INVS: variants seen among roughly 807,000 people sequenced by gnomAD.
INVS encodes inversion of embryo turning homolog.
Under a neutral mutation model 108.8 loss-of-function variants are expected in INVS, and 86 were observed. The ratio of observed to expected loss-of-function variants is 0.79; its 90% CI spans 0.66 to 0.95. The LOEUF (loss-of-function observed/expected upper bound fraction) is 0.95. Among genes scored for constraint, INVS ranks in the 40% least tolerant of loss-of-function variants. The probability of loss-of-function intolerance (pLI) is 0.00; values close to 1 mark genes in which losing one functional copy is unlikely to be tolerated. For synonymous variants in INVS, 455 were observed against 473.5 expected (o/e 0.96, Z 0.51); for missense variants, 1,169 against 1,297.4 (o/e 0.90, Z 1.52).
intron 3 of INVS, among the ~76,000 whole-genome samples, chr9:100,161,776 C>A (rs188976415): frequency 2.5e-3 from 376 of 152,226 alleles, no homozygotes; most frequent in Non-Finnish European, 3.8e-3. Flanking sequence ...TCTTGCTAAT[C>A]TCACTAATGA....
intron 3 of INVS, among the ~76,000 whole-genome samples, chr9:100,149,869 A>G (rs757626606): frequency 6.6e-5 from 10 of 152,196 alleles, no homozygotes; most frequent in Non-Finnish European, 1.2e-4. Flanking sequence ...TTCTGTATAC[A>G]TAAACTGAAC....
At chr9:100,162,075 G>C (rs1829208699) in intron 3 of INVS, among the ~76,000 whole-genome samples, 1 of 152,148 alleles carries the variant, frequency 6.6e-6, no homozygotes, top group South Asian at 2.1e-4. Flanking sequence ...CCACAAAAAG[G>C]AGCCGGAAAT....
At chr9:100,151,130 ACAGT>A (rs1234295991) in intron 3 of INVS, among the ~76,000 whole-genome samples, 1 of 152,164 alleles carries the variant, frequency 6.6e-6, no homozygotes, top group Non-Finnish European at 1.5e-5. Flanking sequence ...GGCAGAAGAA[ACAGT>A]CAGAACAAAG....
intron 1 of INVS, among the ~76,000 whole-genome samples, chr9:100,100,866 A>ATAATATATGTAT (rs1826904577): frequency 1.7e-5 from 1 of 60,118 alleles, no homozygotes; most frequent in African/African-American, 7.7e-5. Context: ...TATATAATAT[A>ATAATATATGTAT]TATATTATAT....
chr9:100,107,183 G>A lies in INVS; in HGVS notation c.106+2556G>A, dbSNP rs80144873. ...ATCCACTTAAACCACCTAGGTTAAG[G>A]AGCAGCACATTGTCAGTAACCCCAG... is the stretch of plus-strand genomic sequence containing the variant. On this transcript the variant is annotated intron_variant, in intron 2 of 16. Transcript: ENST00000262457. Among the ~76,000 whole-genome samples the A allele has an allele frequency of 2.4e-3, 369 of 152,196 alleles. 3 individuals are homozygous for A. Among genetic ancestry groups the A allele is most frequent in the African/African-American group, 8.4e-3 (348 of 41,520 alleles).
chr9:100,184,644 CT>C lies in INVS; in HGVS notation c.274-41414del, dbSNP rs1233979138. Among the ~76,000 whole-genome samples the C allele has an allele frequency of 5.3e-5, 8 of 152,034 alleles. No homozygotes were observed. The East Asian group carries it at 1.5e-3, about 29-fold the overall frequency. On this transcript the variant is annotated intron_variant, in intron 3 of 16. Transcript: ENST00000262457. The stretch of plus-strand genomic sequence containing the variant: ...CAGTTCTTGAAAATAGTTGGGTGGC[CT>C]TTTGCTACATTGGGAAGACATATTT...
At chr9:100,126,193 TACTTA>T (rs1827877757) in intron 2 of INVS, among the ~76,000 whole-genome samples, 185 bp from the exon 3 acceptor site, 1 of 152,246 alleles carries the variant, frequency 6.6e-6, no homozygotes, top group Admixed American at 6.5e-5. Context: ...ATAGACTGGT[TACTTA>T]ACTTATTTGA....
intron 1 of INVS, chr9:100,101,587 AC>A (rs1826994810): frequency 6.6e-6 from 1 of 152,200 alleles, no homozygotes; most frequent in Non-Finnish European, 1.5e-5. Flanking sequence ...GCTGTGCTTT[AC>A]CATAATTAAG....
chr9:100,144,655 T>C (rs1828544264), intron 3 of INVS, among the ~76,000 whole-genome samples: 1 of 152,024 alleles, frequency 6.6e-6, no homozygotes, highest in African/African-American at 2.4e-5. Flanking sequence ...GGAACAAAAC[T>C]GTAAGCCAGA....
intron 3 of INVS, among the ~76,000 whole-genome samples, chr9:100,132,581 A>G (rs190559333): frequency 1.4e-3 from 212 of 152,318 alleles, no homozygotes; most frequent in Non-Finnish European, 2.5e-3. Context: ...TATTATTGCT[A>G]TTAGTCACAC....
At chr9:100,234,981 A>G (rs1217430102) in intron 5 of INVS, among the ~76,000 whole-genome samples, 2 of 152,160 alleles carry the variant, frequency 1.3e-5, no homozygotes, top group Admixed American at 6.5e-5. Flanking sequence ...GTATCCCACT[A>G]TTATTGTGTG....
intron 3 of INVS, among the ~76,000 whole-genome samples, chr9:100,148,416 A>G (rs1016482023): frequency 1.3e-4 from 20 of 152,218 alleles, no homozygotes; most frequent in Admixed American, 9.2e-4. Flanking sequence ...GATGGCAGCA[A>G]AAAGGTTAAT....
chr9:100,172,450 A>G (rs971455206), intron 3 of INVS, among the ~76,000 whole-genome samples: 1 of 152,118 alleles, frequency 6.6e-6, no homozygotes, highest in Non-Finnish European at 1.5e-5. Context: ...TCTATTTTTC[A>G]GTTTTGTGAA....
At position 100,284,038 on chromosome 9, in the gene INVS, T is replaced by C. The variant is rs1374560175; in HGVS notation, c.1785-282T>C. Among the ~76,000 whole-genome samples the C allele has an allele frequency of 2.6e-5, 4 of 152,156 alleles. No individual in the cohort carries two copies. The East Asian group carries it at 7.7e-4, about 29-fold the overall frequency. ...GGGCACATACACCGTTGGGAGTGTG[T>C]TATGTTTCACACAGAAAAGTTGCCT... On this transcript the variant is annotated intron_variant, in intron 12 of 16. Coordinates refer to ENST00000262457, the MANE Select transcript of INVS (RefSeq NM_014425.5).
At chr9:100,133,124 A>C (rs1828104203) in intron 3 of INVS, among the ~76,000 whole-genome samples, 1 of 152,164 alleles carries the variant, frequency 6.6e-6, no homozygotes, top group Non-Finnish European at 1.5e-5. Context: ...AAAACAAACA[A>C]AAAACAATGG....
chr9:100,268,498 G>A lies in INVS; in HGVS notation c.1571+3570G>A, dbSNP rs558744151. 5.0e-4 allele frequency among the ~76,000 whole-genome samples: 76 copies of A among 152,100 alleles called. 1 individual carries two copies. The highest frequency in any genetic ancestry group is 9.2e-4 in the African/African-American group (38 of 41,482). ...CCCAGCAAGCCCCAGCCTCATTTTC[G>A]TAGCCCTCACTCAAGATGGAGTCCT... is the stretch of plus-strand genomic sequence containing the variant. On this transcript the variant is annotated intron_variant, in intron 11 of 16. Coordinates refer to ENST00000262457, the MANE Select transcript of INVS (RefSeq NM_014425.5).
intron 8 of INVS, among the ~76,000 whole-genome samples, chr9:100,248,727 T>C (rs960358053): frequency 1.3e-5 from 2 of 152,242 alleles, no homozygotes; most frequent in African/African-American, 4.8e-5. Context: ...ATGCTGGGCC[T>C]GGGTCTCTGT....
chr9:100,118,478 G>A (rs1209332105), intron 2 of INVS, among the ~76,000 whole-genome samples: 1 of 151,968 alleles, frequency 6.6e-6, no homozygotes, highest in Non-Finnish European at 1.5e-5. Context: ...CAAAGTGCTG[G>A]GATTACAGGC....
chr9:100,216,665 T>G (rs1450033034), intron 3 of INVS, among the ~76,000 whole-genome samples: 1 of 152,230 alleles, frequency 6.6e-6, no homozygotes, highest in Non-Finnish European at 1.5e-5. Context: ...TAAAGATCCA[T>G]GTCAAATAGC....
Sources: gnomAD v4.1 joint callset for allele counts (sites outside exome capture counted in the v4.1 genomes callset) on GRCh38, gnomAD v4.1.1 for gene constraint, MANE v1.5 for transcripts, NCBI Gene and HGNC (gene_info 2026-07-23, HGNC 2026-07-21) for gene names.